ASAP1: variants seen among roughly 807,000 people sequenced by gnomAD.
ASAP1 encodes the protein arf-GAP with SH3 domain, ANK repeat and PH domain-containing protein 1.
In ASAP1, 43 loss-of-function variants were observed where a neutral mutation model predicts 145.2. That is an observed-to-expected ratio of 0.30 (90% CI 0.23 to 0.38). The LOEUF is 0.38. ASAP1 is among the 10% of genes least tolerant of loss of function. The probability of loss-of-function intolerance (pLI) is 1.00; values close to 1 mark genes in which losing one functional copy is unlikely to be tolerated. For missense variants in ASAP1, 1,018 were observed against 1,355.3 expected (o/e 0.75, Z 3.91); for synonymous variants, 546 against 515.5 (o/e 1.06, Z -0.80).
chr8:130,401,797 T>C, intron 2 of ASAP1, 88 bp downstream of exon 2: 3 of 1,263,020 alleles, frequency 2.4e-6, no homozygotes, highest in Non-Finnish European at 2.3e-6. Flanking sequence ...TTGTGTTTGA[T>C]AAAATTTTGC....
intron 3 of ASAP1, among the ~76,000 whole-genome samples, chr8:130,291,313 T>C (rs774956937): frequency 1.8e-4 from 27 of 152,200 alleles, no homozygotes; most frequent in Non-Finnish European, 3.5e-4. Context: ...TCTAAGCATA[T>C]TAATTCCAGG....
intron 2 of ASAP1, among the ~76,000 whole-genome samples, chr8:130,391,361 G>C (rs908191669): frequency 6.6e-6 from 1 of 152,044 alleles, no homozygotes; most frequent in Non-Finnish European, 1.5e-5. Context: ...TGGATTTCGC[G>C]GCAATGGTTG....
chr8:130,135,666 G>A (rs2097592916), intron 14 of ASAP1, among the ~76,000 whole-genome samples: 1 of 152,082 alleles, frequency 6.6e-6, no homozygotes, highest in Non-Finnish European at 1.5e-5. Flanking sequence ...AAACTGATAG[G>A]GCTTTCATGA....
At chr8:130,273,972 C>T (rs1247277437) in intron 3 of ASAP1, among the ~76,000 whole-genome samples, 3 of 152,140 alleles carry the variant, frequency 2.0e-5, no homozygotes, top group South Asian at 4.1e-4. Context: ...CTGGGGTCCA[C>T]GAGAAAAGTA....
intron 12 of ASAP1, among the ~76,000 whole-genome samples, chr8:130,153,332 AAT>A (rs67554567): frequency 0.066 from 5,757 of 87,330 alleles, 204 homozygotes; most frequent in Admixed American, 0.11. Flanking sequence ...CTGCTTTTTA[AAT>A]ATATATATAT....
chr8:130,367,555 C>CT (rs1827015505), intron 2 of ASAP1, among the ~76,000 whole-genome samples: 1 of 152,190 alleles, frequency 6.6e-6, no homozygotes, highest in Non-Finnish European at 1.5e-5. Flanking sequence ...GAGGTAGGCT[C>CT]CTTTTCCTCA....
intron 3 of ASAP1, among the ~76,000 whole-genome samples, chr8:130,307,531 C>T (rs1256862120): frequency 2.6e-5 from 4 of 152,092 alleles, no homozygotes; most frequent in Non-Finnish European, 5.9e-5. Flanking sequence ...ATTTTACCTG[C>T]CACCTGCCTC....
chr8:130,246,006 C>T (rs959955269), intron 3 of ASAP1, among the ~76,000 whole-genome samples: 1 of 152,152 alleles, frequency 6.6e-6, no homozygotes, highest in East Asian at 1.9e-4. Flanking sequence ...AGTCACATCA[C>T]GTATCAATAA....
chr8:130,100,947 T>C (rs2097527750), intron 24 of ASAP1, among the ~76,000 whole-genome samples: 2 of 152,226 alleles, frequency 1.3e-5, no homozygotes, highest in South Asian at 2.1e-4. Context: ...TGCTCTCTTC[T>C]AGTAGTTTTA....
chr8:130,366,109 C>T (rs1168103172), intron 2 of ASAP1, among the ~76,000 whole-genome samples: 1 of 152,160 alleles, frequency 6.6e-6, no homozygotes, highest in Non-Finnish European at 1.5e-5. Context: ...ATCCTGGTTC[C>T]CAAGGGTTTC....
At chr8:130,189,294 C>A (rs901582651) in intron 5 of ASAP1, among the ~76,000 whole-genome samples, 6 of 152,090 alleles carry the variant, frequency 3.9e-5, no homozygotes, top group Non-Finnish European at 8.8e-5. Context: ...ACCTAATAAC[C>A]AATCCCTCTT....
intron 5 of ASAP1, among the ~76,000 whole-genome samples, chr8:130,195,630 T>C (rs1815431436): frequency 6.6e-6 from 1 of 152,198 alleles, no homozygotes; most frequent in African/African-American, 2.4e-5. Context: ...GTATTCCCCC[T>C]GCTAGTACAT....
intron 3 of ASAP1, among the ~76,000 whole-genome samples, chr8:130,353,327 C>A (rs1826111012): frequency 6.6e-6 from 1 of 152,168 alleles, no homozygotes; most frequent in African/African-American, 2.4e-5. Context: ...ACATTTAAAT[C>A]TGAAAACTCA....
intron 1 of ASAP1, among the ~76,000 whole-genome samples, chr8:130,434,014 A>T (rs1830223532): frequency 6.6e-6 from 1 of 152,234 alleles, no homozygotes. Context: ...CGCCTTGCTT[A>T]AAATCTTGCC....
chr8:130,153,293 C>T (rs2097650502), intron 12 of ASAP1, among the ~76,000 whole-genome samples: 1 of 146,066 alleles, frequency 6.8e-6, no homozygotes, highest in Non-Finnish European at 1.5e-5. Flanking sequence ...GCTGAGATTA[C>T]AGGTGTGAGC....
intron 3 of ASAP1, among the ~76,000 whole-genome samples, chr8:130,348,638 G>A (rs575094773): frequency 5.3e-5 from 8 of 152,152 alleles, no homozygotes; most frequent in East Asian, 1.9e-4. Flanking sequence ...ATTAAAACTC[G>A]TTTTACTGAC....
Position 130,283,559 on chromosome 8 carries a change from G to A in ASAP1, c.187-46565C>T, listed in dbSNP as rs574214677. ...CACGTCACTGCACCACTCCAGCCTGGTGACAGAACAAGACTCCATCACAGA... is the reference window on the plus strand; with the variant it reads ...CACGTCACTGCACCACTCCAGCCTGATGACAGAACAAGACTCCATCACAGA... On this transcript the variant is annotated intron_variant, in intron 3 of 29. Transcript: ENST00000518721. Among the ~76,000 whole-genome samples the A allele has an allele frequency of 1.0e-3, 123 of 121,292 alleles. 1 individual carries two copies. Among genetic ancestry groups the A allele is most frequent in the African/African-American group, 3.9e-3 (118 of 30,146 alleles). The allele number at this position is 121,292 out of a possible 152,430, so 79.6% of individuals were successfully genotyped here.
intron 13 of ASAP1, among the ~76,000 whole-genome samples, chr8:130,141,446 G>A (rs544277227): frequency 7.2e-5 from 11 of 152,130 alleles, no homozygotes; most frequent in Non-Finnish European, 1.3e-4. Context: ...CAGAGGAGGC[G>A]GTACCTGGCC....
intron 27 of ASAP1, among the ~76,000 whole-genome samples, chr8:130,072,377 C>G (rs889046055): frequency 6.6e-6 from 1 of 152,126 alleles, no homozygotes; most frequent in Admixed American, 6.5e-5. Context: ...GAATAAGTCT[C>G]ATGAAATCTG....
Sources: allele counts gnomAD v4.1 joint callset (sites outside exome capture counted in the v4.1 genomes callset), GRCh38; gene constraint gnomAD v4.1.1; transcripts MANE v1.5; gene names NCBI Gene and HGNC (gene_info 2026-07-23, HGNC 2026-07-21).